Variants in ARID2 observed in about 807,000 individuals in gnomAD.
The protein encoded by ARID2 is AT-rich interaction domain 2.
ARID2 carries 32 observed loss-of-function variants against 184.6 expected under a neutral mutation model. The observed-to-expected ratio is 0.17, with a 90% confidence interval of 0.13 to 0.23. ARID2 has a LOEUF of 0.23. Among genes scored for constraint, ARID2 ranks in the 10% least tolerant of loss-of-function variants. The pLI is 1.00. For missense variants in ARID2, 1,696 were observed against 2,197.6 expected (o/e 0.77, Z 4.56); for synonymous variants, 836 against 772.6 (o/e 1.08, Z -1.36).
chr12:45,745,220 G>A (rs1941332500), intron 3 of ARID2, among the ~76,000 whole-genome samples: 1 of 152,200 alleles, frequency 6.6e-6, no homozygotes, highest in Admixed American at 6.5e-5. Context: ...AAAGACAGGA[G>A]CAAGAAGTGT....
At chr12:45,823,044 T>C (rs1333715412) in intron 6 of ARID2, among the ~76,000 whole-genome samples, 1 of 152,034 alleles carries the variant, frequency 6.6e-6, no homozygotes, top group Non-Finnish European at 1.5e-5. Context: ...CATGGAACAG[T>C]CTCTGGGATA....
Position 45,848,860 on chromosome 12 carries a change from T to A in ARID2, c.1605T>A (p.Asn535Lys). ...CQWLNAHFEV[N>K]PDCSVSRAEM... ...GGCTAAATGCTCATTTTGAAGTAAA[T>A]CCAGATTGTTCTGTTTCTCGAGCAG... The change falls in exon 13 of 21, where the codon AAT (asparagine) becomes AAA (lysine). Residue 535 changes from asparagine (N) to lysine (K), a missense_variant. By Grantham distance (94) the Asn-to-Lys change is moderately conservative (BLOSUM62 0). Around this residue, in one of 11 missense-constraint regions of ARID2, gnomAD observed 713 missense variants for 824.4 expected, o/e 0.86. Coordinates refer to ENST00000334344, the MANE Select transcript of ARID2 (RefSeq NM_152641.4). 1 of 1,611,894 alleles carries A rather than the reference T, an allele frequency of 6.2e-7. No homozygotes were observed. Among genetic ancestry groups the A allele is most frequent in the Non-Finnish European group, 8.5e-7 (1 of 1,178,712 alleles).
intron 3 of ARID2, among the ~76,000 whole-genome samples, chr12:45,788,693 C>A (rs1942240164): frequency 6.6e-6 from 1 of 152,094 alleles, no homozygotes; most frequent in Non-Finnish European, 1.5e-5. Flanking sequence ...TTCTACCACC[C>A]TTTTTGTTTC....
At chr12:45,735,418 C>T (rs1350278129) in intron 3 of ARID2, among the ~76,000 whole-genome samples, 6 of 141,322 alleles carry the variant, frequency 4.2e-5, no homozygotes, top group South Asian at 2.3e-4. Flanking sequence ...TAAACTGTAT[C>T]GTGTGTGTGT....
intron 5 of ARID2, among the ~76,000 whole-genome samples, chr12:45,821,089 C>A (rs1199660444): frequency 6.6e-6 from 1 of 151,910 alleles, no homozygotes; most frequent in African/African-American, 2.4e-5. Flanking sequence ...ATAGCAATAA[C>A]CTCAGTTTGC....
At chr12:45,826,132 T>G (rs1466857917) in intron 6 of ARID2, among the ~76,000 whole-genome samples, 2 of 152,202 alleles carry the variant, frequency 1.3e-5, no homozygotes, top group South Asian at 2.1e-4. Context: ...CATGTAGATT[T>G]GTTTTTCTAT....
chr12:45,842,296 T>C (rs1333218995), intron 11 of ARID2: 1 of 143,980 alleles, frequency 6.9e-6, no homozygotes, highest in Non-Finnish European at 1.6e-5. Context: ...CATATGTGTG[T>C]GTATATATAT....
intron 3 of ARID2, among the ~76,000 whole-genome samples, chr12:45,795,433 C>A (rs1565598926): frequency 6.6e-6 from 1 of 151,720 alleles, no homozygotes; most frequent in African/African-American, 2.4e-5. Flanking sequence ...TTTTCTTTTT[C>A]TTTTTTATTT....
chr12:45,821,413 T>C lies in ARID2; in HGVS notation c.638-7T>C. 6.7e-7 allele frequency: 1 copy of C among 1,496,446 alleles called. No individual in the cohort carries two copies. Among genetic ancestry groups the C allele is most frequent in the Non-Finnish European group, 8.9e-7 (1 of 1,121,682 alleles). 92.7% of individuals were successfully genotyped at this position (1,496,446 alleles called of 1,614,324 possible). ...TTGAATGTACTATTTATTTATTTGTTTTTTAGCTTTAGGATCCTTTTCCAC... is the reference window on the plus strand; with the variant it reads ...TTGAATGTACTATTTATTTATTTGTCTTTTAGCTTTAGGATCCTTTTCCAC... On this transcript the variant is annotated splice_polypyrimidine_tract_variant and splice_region_variant and intron_variant, in intron 5 of 20. Coordinates refer to ENST00000334344, the MANE Select transcript of ARID2 (RefSeq NM_152641.4).
intron 15 of ARID2, among the ~76,000 whole-genome samples, chr12:45,859,132 A>C (rs922540456): frequency 1.3e-5 from 2 of 152,226 alleles, no homozygotes; most frequent in Non-Finnish European, 2.9e-5. Flanking sequence ...TTGCCAGTAC[A>C]GTCATGTGCT....
chr12:45,891,113 C>T (rs1236165033), intron 16 of ARID2, among the ~76,000 whole-genome samples: 3 of 150,966 alleles, frequency 2.0e-5, no homozygotes, highest in Non-Finnish European at 4.4e-5. Flanking sequence ...TGCAGTGAGC[C>T]GAGATCGCAC....
chr12:45,848,688 T>G (rs979691109), intron 12 of ARID2, 148 bp from the exon 13 acceptor site: 5 of 521,568 alleles, frequency 9.6e-6, no homozygotes, highest in Non-Finnish European at 1.2e-5. Flanking sequence ...TTAGCATATA[T>G]TTTTGCTACT....
At chr12:45,782,739 T>A (rs887781391) in intron 3 of ARID2, among the ~76,000 whole-genome samples, 4 of 152,096 alleles carry the variant, frequency 2.6e-5, no homozygotes, top group African/African-American at 9.7e-5. Flanking sequence ...TTGTCAACAG[T>A]GTCTGTAGGC....
chr12:45,758,438 G>A (rs1941611839), intron 3 of ARID2, among the ~76,000 whole-genome samples: 1 of 150,914 alleles, frequency 6.6e-6, no homozygotes, highest in Non-Finnish European at 1.5e-5. Context: ...AGTTTTATGT[G>A]TCGCCTAAGG....
intron 3 of ARID2, among the ~76,000 whole-genome samples, chr12:45,782,328 A>G (rs1218131327): frequency 1.3e-5 from 2 of 152,130 alleles, no homozygotes; most frequent in African/African-American, 2.4e-5. Context: ...ACTAATACTA[A>G]TAAATTTAAA....
intron 3 of ARID2, among the ~76,000 whole-genome samples, chr12:45,756,312 G>T (rs1476239955): frequency 6.6e-6 from 1 of 152,198 alleles, no homozygotes. Flanking sequence ...GGAGTGGGGA[G>T]AATTATCTAC....
chr12:45,891,195 A>G (rs1944296423), intron 16 of ARID2, among the ~76,000 whole-genome samples: 1 of 151,930 alleles, frequency 6.6e-6, no homozygotes, highest in Admixed American at 6.6e-5. Flanking sequence ...TTGCACAAAT[A>G]TTTGAGTTAC....
intron 3 of ARID2, among the ~76,000 whole-genome samples, chr12:45,790,405 A>T (rs1407447947): frequency 6.6e-6 from 1 of 152,138 alleles, no homozygotes; most frequent in African/African-American, 2.4e-5. Context: ...TTGGATTTGA[A>T]CTAAATTTGG....
At chr12:45,822,661 T>TA (rs1434005225) in intron 6 of ARID2, among the ~76,000 whole-genome samples, 1 of 152,168 alleles carries the variant, frequency 6.6e-6, no homozygotes, top group Non-Finnish European at 1.5e-5. Context: ...ACTTAAATAT[T>TA]AAAAATCAGT....
Sources: gnomAD v4.1 joint callset for allele counts (sites outside exome capture counted in the v4.1 genomes callset) on GRCh38, gnomAD v4.1.1 for gene constraint, gnomAD v4.1.1 regional missense constraint, MANE v1.5 for transcripts, NCBI Gene and HGNC (gene_info 2026-07-23, HGNC 2026-07-21) for gene names.